The following PTPRD variants were observed in gnomAD, a reference collection of about 807,000 sequenced individuals.
PTPRD encodes the protein protein tyrosine phosphatase receptor type D.
Under a neutral mutation model 214.5 loss-of-function variants are expected in PTPRD, and 34 were observed. The ratio of observed to expected loss-of-function variants is 0.16; its 90% CI spans 0.12 to 0.21. PTPRD has a LOEUF of 0.21. Among genes scored for constraint, PTPRD ranks in the 10% least tolerant of loss-of-function variants. The probability of loss-of-function intolerance (pLI) is 1.00; values close to 1 mark genes in which losing one functional copy is unlikely to be tolerated. For synonymous variants in PTPRD, 1,128 were observed against 845.7 expected, an observed-to-expected ratio of 1.33 and a Z score of -5.79; for missense variants, 2,545 against 2,398.7, an observed-to-expected ratio of 1.06 and a Z score of -1.27.
intron 10 of PTPRD, among the ~76,000 whole-genome samples, chr9:9,140,235 G>A (rs939569158): frequency 6.6e-5 from 10 of 151,868 alleles, no homozygotes; most frequent in Non-Finnish European, 1.3e-4. Context: ...AAAAAGCCCT[G>A]TTTGGCTGTT....
chr9:8,837,448 A>G (rs2097454846), intron 11 of PTPRD, among the ~76,000 whole-genome samples: 1 of 152,338 alleles, frequency 6.6e-6, no homozygotes, highest in South Asian at 2.1e-4. Flanking sequence ...AATTAAAGTC[A>G]AAATAGGCAT....
chr9:8,902,298 A>C (rs2098675862), intron 11 of PTPRD, among the ~76,000 whole-genome samples: 1 of 150,342 alleles, frequency 6.7e-6, no homozygotes, highest in Non-Finnish European at 1.5e-5. Flanking sequence ...CCCAACCCAG[A>C]TTTATTCAAC....
intron 3 of PTPRD, among the ~76,000 whole-genome samples, chr9:10,172,606 T>A (rs2099216887): frequency 6.6e-6 from 1 of 152,206 alleles, no homozygotes; most frequent in Non-Finnish European, 1.5e-5. Flanking sequence ...GTTAACCTAT[T>A]CATAGCTGAC....
At chr9:9,337,667 T>C (rs1193191795) in intron 9 of PTPRD, among the ~76,000 whole-genome samples, 1 of 152,204 alleles carries the variant, frequency 6.6e-6, no homozygotes, top group Non-Finnish European at 1.5e-5. Context: ...CTGTGATGAC[T>C]TTGCCAAGAA....
chr9:8,981,651 G>T (rs2099313359), intron 11 of PTPRD, among the ~76,000 whole-genome samples: 1 of 152,020 alleles, frequency 6.6e-6, no homozygotes, highest in African/African-American at 2.4e-5. Context: ...AGCAAAAAAG[G>T]AGACTGGGCT....
At chr9:8,369,617 C>T (rs143203762) in intron 39 of PTPRD, among the ~76,000 whole-genome samples, 2 of 151,616 alleles carry the variant, frequency 1.3e-5, no homozygotes, top group Non-Finnish European at 1.5e-5. Context: ...ATTTTATTTT[C>T]CTTGAGACTG....
intron 6 of PTPRD, among the ~76,000 whole-genome samples, chr9:9,764,021 C>T (rs1308789436): frequency 6.6e-6 from 1 of 152,044 alleles, no homozygotes; most frequent in South Asian, 2.1e-4. Context: ...TTTGCACGAC[C>T]CCCATTCCTT....
chr9:8,491,969 C>T (rs558787839), intron 27 of PTPRD, among the ~76,000 whole-genome samples: 1 of 152,152 alleles, frequency 6.6e-6, no homozygotes, highest in Admixed American at 6.5e-5. Context: ...GAGAATCCTT[C>T]TGCAATTATC....
At chr9:10,600,802 G>C (rs1302373648) in intron 2 of PTPRD, among the ~76,000 whole-genome samples, 1 of 151,764 alleles carries the variant, frequency 6.6e-6, no homozygotes, top group Non-Finnish European at 1.5e-5. Flanking sequence ...TAACTAGAAA[G>C]AAGTCTCATA....
intron 10 of PTPRD, among the ~76,000 whole-genome samples, chr9:9,030,275 G>GTTTTTTTT (rs1429207415): frequency 1.4e-5 from 1 of 68,992 alleles, no homozygotes; most frequent in African/African-American, 7.7e-5. Flanking sequence ...CCACACTTGG[G>GTTTTTTTT]CTTTTTTTTT....
chr9:9,405,680 T>C (rs1424994906), intron 8 of PTPRD, among the ~76,000 whole-genome samples: 4 of 152,092 alleles, frequency 2.6e-5, no homozygotes, highest in Non-Finnish European at 5.9e-5. Context: ...GAATAAAGCA[T>C]GCTCTCTAGA....
chr9:9,019,309 A>AAAGAAAGG lies in PTPRD; in HGVS notation c.-142-575_-142-574insCCTTTCTT, dbSNP rs879499024. Among the ~76,000 whole-genome samples, 336 of 107,876 alleles carry AAAGAAAGG rather than the reference A, an allele frequency of 3.1e-3. 1 individual carries two copies. Among genetic ancestry groups the AAAGAAAGG allele is most frequent in the African/African-American group, 0.011 (284 of 26,142 alleles). The allele number at this position is 107,876 out of a possible 152,430, so 70.8% of individuals were successfully genotyped here. On this transcript the variant is annotated intron_variant, in intron 10 of 45. Coordinates refer to ENST00000381196, the MANE Select transcript of PTPRD (RefSeq NM_002839.4). ...GAAAGAAAGAAAGAAAGAAAGAAAG[A>AAAGAAAGG]AAGAAAGAAAGAAAGAAAGAAAGAA...
chr9:9,234,901 A>G (rs1028130129), intron 9 of PTPRD, among the ~76,000 whole-genome samples: 3 of 151,880 alleles, frequency 2.0e-5, no homozygotes, highest in African/African-American at 7.3e-5. Flanking sequence ...AATTGTTCCA[A>G]CCTCTGACTG....
At chr9:9,378,538 G>C (rs1351918349) in intron 9 of PTPRD, among the ~76,000 whole-genome samples, 1 of 152,080 alleles carries the variant, frequency 6.6e-6, no homozygotes, top group Non-Finnish European at 1.5e-5. Context: ...AAATACTATG[G>C]AGATTGTTGC....
At chr9:9,075,025 A>C (rs1483943868) in intron 10 of PTPRD, among the ~76,000 whole-genome samples, 2 of 152,078 alleles carry the variant, frequency 1.3e-5, no homozygotes, top group Non-Finnish European at 2.9e-5. Context: ...CTTTAATTAT[A>C]ATTGTACAAA....
chr9:8,583,343 C>T (rs111636513), intron 14 of PTPRD, among the ~76,000 whole-genome samples: 1 of 152,092 alleles, frequency 6.6e-6, no homozygotes, highest in African/African-American at 2.4e-5. Flanking sequence ...CATGTTTCAA[C>T]ACGGATTATT....
At chr9:10,520,552 C>T (rs1175221686) in intron 2 of PTPRD, among the ~76,000 whole-genome samples, 2 of 152,150 alleles carry the variant, frequency 1.3e-5, no homozygotes, top group South Asian at 2.1e-4. Context: ...CTACACTCAC[C>T]AATAGATTTT....
Position 9,939,790 on chromosome 9 carries a change from C to T in PTPRD, c.-471-1180G>A, listed in dbSNP as rs181035402. On this transcript the variant is annotated intron_variant, in intron 4 of 45. Coordinates refer to ENST00000381196, the MANE Select transcript of PTPRD (RefSeq NM_002839.4). ...ATTTAGCTTAAGAGTTTTTTCTATG[C>T]AGTACGATGTGAAGGGCTCAAGAAA... 3.3e-3 allele frequency among the ~76,000 whole-genome samples: 500 copies of T among 152,232 alleles called. 2 individuals are homozygous for T. The highest frequency in any genetic ancestry group is 8.9e-3 in the South Asian group (43 of 4,828).
intron 5 of PTPRD, among the ~76,000 whole-genome samples, chr9:9,859,851 G>A (rs1181099905): frequency 5.3e-5 from 8 of 152,084 alleles, no homozygotes; most frequent in Non-Finnish European, 7.4e-5. Flanking sequence ...TTCTTCTTGT[G>A]CCATGTACCG....
Sources: gnomAD v4.1 joint callset for allele counts (sites outside exome capture counted in the v4.1 genomes callset) on GRCh38, gnomAD v4.1.1 for gene constraint, MANE v1.5 for transcripts, NCBI Gene and HGNC (gene_info 2026-07-23, HGNC 2026-07-21) for gene names.